Variants in H6PD observed in about 807,000 individuals in gnomAD.
H6PD encodes the protein hexose-6-phosphate dehydrogenase/glucose 1-dehydrogenase, also known as GDH/6PGL endoplasmic bifunctional protein.
In H6PD, 48 loss-of-function variants were observed where a neutral mutation model predicts 61.2. That is an observed-to-expected ratio of 0.78 (90% confidence interval 0.62 to 1.00). H6PD has a LOEUF of 1.00. H6PD is among the 50% of genes least tolerant of loss of function. The pLI, the probability that H6PD is intolerant of heterozygous loss-of-function variation, is 0.00. For synonymous variants in H6PD, 480 were observed against 457.9 expected (o/e 1.05, Z -0.62); for missense variants, 1,093 against 1,065.0 (o/e 1.03, Z -0.37).
chr1:9,243,250 C>T (rs1050966611), intron 1 of H6PD, among the ~76,000 whole-genome samples: 10 of 152,062 alleles, frequency 6.6e-5, no homozygotes, highest in African/African-American at 2.4e-4. Context: ...TTGGTGCCCT[C>T]TGTATAGGGA....
intron 1 of H6PD, among the ~76,000 whole-genome samples, chr1:9,237,547 C>T (rs551730078): frequency 6.6e-6 from 1 of 152,232 alleles, no homozygotes; most frequent in Non-Finnish European, 1.5e-5. Flanking sequence ...TATTTGACTT[C>T]TCTTTGCCTT....
At chr1:9,258,300 C>T (rs565289866) in intron 3 of H6PD, among the ~76,000 whole-genome samples, 2 of 151,250 alleles carry the variant, frequency 1.3e-5, no homozygotes, top group African/African-American at 4.8e-5. Flanking sequence ...CGTGTTGTTA[C>T]GTTGTTATAC....
chr1:9,242,970 C>A, intron 1 of H6PD: 1 of 985,312 alleles, frequency 1.0e-6, no homozygotes, highest in Non-Finnish European at 1.2e-6. Flanking sequence ...GTCCTGTGGT[C>A]CGTGTGTGTA....
intron 3 of H6PD, among the ~76,000 whole-genome samples, chr1:9,247,656 G>A (rs1318467762): frequency 2.6e-5 from 4 of 152,098 alleles, no homozygotes; most frequent in Admixed American, 1.3e-4. Flanking sequence ...CCAGCCTGTA[G>A]GCTCCAGGAG....
intron 1 of H6PD, chr1:9,242,802 T>C (rs1299182795): frequency 8.1e-6 from 8 of 985,272 alleles, no homozygotes; most frequent in Non-Finnish European, 9.6e-6. Context: ...GGCTCCTCCT[T>C]CTCCAGGCTG....
chr1:9,242,952 G>C (rs1192037716), intron 1 of H6PD: 1 of 985,354 alleles, frequency 1.0e-6, no homozygotes, highest in Non-Finnish European at 1.2e-6. Flanking sequence ...GGAGGAAAAA[G>C]CAGAATGGTC....
chr1:9,263,590 T>C lies in H6PD; in HGVS notation c.1097T>C (p.Val366Ala). 2.5e-6 allele frequency: 4 copies of C among 1,614,046 alleles called. No homozygotes were observed. The highest frequency in any genetic ancestry group is 3.4e-6 in the Non-Finnish European group (4 of 1,179,964). The change falls in exon 5 of 5, where the codon GTG (valine) becomes GCG (alanine). Residue 366 changes from valine to alanine, a missense_variant. Transcript: ENST00000377403. The part of the protein sequence containing the change: ...LMSGKALDER[V>A]GYARILFKNQ... ...TCTGGCAAAGCCTTGGACGAGAGAG[T>C]GGGCTACGCTCGGATCTTGTTCAAG...
Position 9,270,136 on chromosome 1 carries a change from A to ACC in H6PD, c.*5267_*5268insCC, listed in dbSNP as rs1432538987. The ACC allele has an allele frequency of 6.6e-6, 1 of 152,652 alleles. No homozygotes were observed. The highest frequency in any genetic ancestry group is 2.4e-5 in the African/African-American group (1 of 41,440). The allele number at this position is 152,652 out of a possible 1,614,324, so 9.5% of individuals were successfully genotyped here. ...GTCTCTGTGTGACCCACGAACGGGA[A>ACC]GGGAGAGCACTGGAGTAATGACACT... On this transcript the variant is annotated 3_prime_UTR_variant, in exon 5 of 5. Transcript: ENST00000377403.
intron 3 of H6PD, among the ~76,000 whole-genome samples, chr1:9,259,989 C>T (rs968064330): frequency 4.0e-5 from 6 of 149,796 alleles, no homozygotes; most frequent in African/African-American, 1.5e-4. Flanking sequence ...TGTTGTTACA[C>T]TGGTATTATG....
intron 2 of H6PD, among the ~76,000 whole-genome samples, chr1:9,246,223 C>T (rs545375421): frequency 2.0e-5 from 3 of 152,172 alleles, no homozygotes; most frequent in Non-Finnish European, 4.4e-5. Context: ...GGATTACAGG[C>T]GTGAGCCACC....
chr1:9,243,102 C>A, intron 1 of H6PD: 1 of 356,894 alleles, frequency 2.8e-6, no homozygotes, highest in Non-Finnish European at 3.9e-6. Context: ...TAGACACTGG[C>A]TCAGACACTG....
intron 2 of H6PD, among the ~76,000 whole-genome samples, chr1:9,246,356 A>G (rs1258768005): frequency 2.6e-5 from 4 of 152,242 alleles, no homozygotes; most frequent in African/African-American, 7.2e-5. Context: ...GGGCAGGAGC[A>G]TGGGTTAACC....
chr1:9,246,896 C>G, intron 2 of H6PD, 70 bp from the exon 3 acceptor site: 1 of 1,066,848 alleles, frequency 9.4e-7, no homozygotes, highest in Non-Finnish European at 1.5e-6. Flanking sequence ...CAGAGCCCTT[C>G]CCGGGAGTCA....
intron 4 of H6PD, among the ~76,000 whole-genome samples, chr1:9,263,108 G>A (rs1570124126): frequency 6.6e-6 from 1 of 152,156 alleles, no homozygotes; most frequent in East Asian, 1.9e-4. Flanking sequence ...TGCTTCACAA[G>A]CAGGAGGGAA....
chr1:9,237,236 CTTTTTTTTTTTTT>C (rs370751354), intron 1 of H6PD, among the ~76,000 whole-genome samples: 27 of 71,078 alleles, frequency 3.8e-4, no homozygotes, highest in East Asian at 1.1e-3. Context: ...TTTGACTTCT[CTTTTTTTTTTTTT>C]TTTTTTTTTT....
Position 9,264,539 on chromosome 1 carries a change from C to T in H6PD, c.2046C>T (p.Ala682=), listed in dbSNP as rs746857939. 1.2e-5 allele frequency: 19 copies of T among 1,613,184 alleles called. No individual in the cohort carries two copies. Among genetic ancestry groups the T allele is most frequent in the Non-Finnish European group, 1.4e-5 (17 of 1,179,916 alleles). ...IYAREISALV[A]NSSFDLVLLG... is the part of the protein sequence containing the mutation. ...CCAGGGAGATCTCAGCCCTGGTGGC[C>T]AACAGCAGCTTCGACCTGGTGCTGC... is the stretch of plus-strand genomic sequence containing the variant. Residue 682 remains alanine, a synonymous_variant, in exon 5 of 5, where the codon GCC becomes GCT. Coordinates refer to ENST00000377403, the MANE Select transcript of H6PD (RefSeq NM_004285.4).
At chr1:9,262,441 C>T (rs1570122622) in intron 4 of H6PD, 113 bp downstream of exon 4, 3 of 1,041,382 alleles carry the variant, frequency 2.9e-6, no homozygotes, top group East Asian at 5.2e-5. Flanking sequence ...GGATTTCCCC[C>T]AGGGTGCTCG....
Position 9,245,129 on chromosome 1 carries a change from T to G in H6PD, c.195T>G (p.Ala65=), listed in dbSNP as rs545499440. ...GRGHSFSFHG[A]ALTAPKQGQE... The stretch of plus-strand genomic sequence containing the variant: ...GTCACAGTTTTAGCTTCCATGGAGC[T>G]GCTCTGACAGCCCCCAAGCAGGGTC... The change falls in exon 2 of 5, where the codon GCT becomes GCG. Residue 65 remains alanine (A), a synonymous_variant. Coordinates refer to ENST00000377403, the MANE Select transcript of H6PD (RefSeq NM_004285.4). The surrounding 1 kb of genome is among the most constrained non-coding windows in gnomAD (Gnocchi z 4.8). The G allele has an allele frequency of 6.8e-6, 11 of 1,614,230 alleles. No homozygotes were observed. In the Admixed American group the frequency reaches 1.5e-4, roughly 22 times the overall value.
chr1:9,252,576 G>T (rs1051511710), intron 3 of H6PD, among the ~76,000 whole-genome samples: 2 of 152,042 alleles, frequency 1.3e-5, no homozygotes, highest in African/African-American at 4.8e-5. Context: ...TTAAAATTGA[G>T]ATACAATGCA....
Sources: allele counts gnomAD v4.1 joint callset (sites outside exome capture counted in the v4.1 genomes callset), GRCh38; gene constraint gnomAD v4.1.1; non-coding constraint Gnocchi (gnomAD v3.1); transcripts MANE v1.5; gene names NCBI Gene and HGNC (gene_info 2026-07-23, HGNC 2026-07-21).